Variants in PRR16 observed in about 807,000 individuals in gnomAD.
PRR16 encodes proline rich 16, also known as protein Largen.
PRR16 carries 6 observed loss-of-function variants against 18.2 expected under a neutral mutation model. The ratio of observed to expected loss-of-function variants is 0.33; its 90% CI spans 0.18 to 0.65. The LOEUF (loss-of-function observed/expected upper bound fraction) is 0.65, where lower values mean the gene tolerates loss of function less well. PRR16 is among the 30% of genes least tolerant of loss of function. The pLI is 0.74. For synonymous variants in PRR16, 151 were observed against 147.8 expected (o/e 1.02, Z -0.16); for missense variants, 412 against 376.6 (o/e 1.09, Z -0.78).
chr5:120,593,455 A>G (rs1753703102), intron 1 of PRR16, among the ~76,000 whole-genome samples: 1 of 152,048 alleles, frequency 6.6e-6, no homozygotes, highest in South Asian at 2.1e-4. Flanking sequence ...AACCAGGAGG[A>G]AATTGCTTCC....
At chr5:120,578,903 G>A (rs1165816709) in intron 1 of PRR16, among the ~76,000 whole-genome samples, 1 of 152,092 alleles carries the variant, frequency 6.6e-6, no homozygotes, top group Non-Finnish European at 1.5e-5. Flanking sequence ...ACCCTCGCCA[G>A]CATCTATTAT....
chr5:120,565,937 C>G (rs1443188609), intron 1 of PRR16, among the ~76,000 whole-genome samples: 1 of 152,134 alleles, frequency 6.6e-6, no homozygotes, highest in African/African-American at 2.4e-5. Flanking sequence ...TTTGATTTAG[C>G]TTAGTGTCAC....
At chr5:120,644,977 A>G (rs948793323) in intron 1 of PRR16, among the ~76,000 whole-genome samples, 1 of 152,232 alleles carries the variant, frequency 6.6e-6, no homozygotes, top group Non-Finnish European at 1.5e-5. Flanking sequence ...CCAATATCAA[A>G]TATTTATTCC....
At chr5:120,588,289 A>G (rs1468725736) in intron 1 of PRR16, among the ~76,000 whole-genome samples, 1 of 152,164 alleles carries the variant, frequency 6.6e-6, no homozygotes, top group African/African-American at 2.4e-5. Context: ...GTTTGAAAGG[A>G]TTGACTCCAA....
chr5:120,667,232 T>TTA (rs201133343), intron 1 of PRR16, among the ~76,000 whole-genome samples: 46,639 of 151,744 alleles, frequency 0.31, 7,570 homozygotes, highest in Middle Eastern at 0.43. Context: ...ATTTTCTAGT[T>TTA]TATTTGCGTA....
At chr5:120,745,440 AT>A in the PRR16 span, among the ~76,000 whole-genome samples, 1 of 152,002 alleles carries the variant, frequency 6.6e-6, no homozygotes, top group Non-Finnish European at 1.5e-5. Flanking sequence ...CCATCCATGG[AT>A]TTTTAGCAGA....
chr5:120,639,841 C>G (rs13355058), intron 1 of PRR16, among the ~76,000 whole-genome samples: 8,925 of 151,694 alleles, frequency 0.059, 320 homozygotes, highest in South Asian at 0.083. Context: ...CACACACTTG[C>G]ATGTTTAACA....
intron 1 of PRR16, among the ~76,000 whole-genome samples, chr5:120,545,834 A>G (rs1752058225): frequency 6.6e-6 from 1 of 152,076 alleles, no homozygotes; most frequent in African/African-American, 2.4e-5. Flanking sequence ...CCAAACTTAA[A>G]TTGAAGGAAT....
At chr5:120,661,011 T>A (rs1380236442) in intron 1 of PRR16, among the ~76,000 whole-genome samples, 4 of 152,136 alleles carry the variant, frequency 2.6e-5, no homozygotes, top group African/African-American at 9.7e-5. Context: ...CAGTTGTCTC[T>A]ATACTTGAAG....
chr5:120,674,473 G>A (rs551282633), intron 1 of PRR16, among the ~76,000 whole-genome samples: 1 of 152,128 alleles, frequency 6.6e-6, no homozygotes, highest in African/African-American at 2.4e-5. Flanking sequence ...TAAAATTGGG[G>A]TTGAAATAAT....
At chr5:120,779,389 A>C in the PRR16 span, among the ~76,000 whole-genome samples, 1 of 152,060 alleles carries the variant, frequency 6.6e-6, no homozygotes, top group Admixed American at 6.5e-5. Context: ...ACATTCTGAA[A>C]GCAGAGCTTT....
the PRR16 span, among the ~76,000 whole-genome samples, chr5:120,761,088 T>C: frequency 6.6e-6 from 1 of 150,432 alleles, no homozygotes; most frequent in Non-Finnish European, 1.5e-5. Context: ...CTTATACATA[T>C]AAAATTTATT....
chr5:120,621,437 C>T (rs1265045264), intron 1 of PRR16, among the ~76,000 whole-genome samples: 5 of 152,050 alleles, frequency 3.3e-5, no homozygotes, highest in Admixed American at 6.6e-5. Flanking sequence ...GAGCTAATCT[C>T]GTCTCAGTCT....
chr5:120,524,419 A>G lies in PRR16; in HGVS notation c.159+59774A>G, dbSNP rs866453959. ...ATTCAGTATGATTGAACGGATTTTG[A>G]TGTTTAGGAAATGCAGATACACATT... On this transcript the variant is annotated intron_variant, in intron 1 of 1. Coordinates refer to ENST00000407149, the MANE Select transcript of PRR16 (RefSeq NM_001300783.2). Among the ~76,000 whole-genome samples, 4 of 152,254 alleles carry G rather than the reference A, an allele frequency of 2.6e-5. No individual in the cohort carries two copies. The South Asian group carries it at 8.3e-4, about 32-fold the overall frequency.
At chr5:120,538,388 G>C (rs1322362518) in intron 1 of PRR16, among the ~76,000 whole-genome samples, 2 of 152,108 alleles carry the variant, frequency 1.3e-5, no homozygotes. Context: ...CAACCAAAAT[G>C]GAATCCACAC....
intron 1 of PRR16, among the ~76,000 whole-genome samples, chr5:120,538,180 T>C (rs1412568845): frequency 1.3e-5 from 2 of 152,240 alleles, no homozygotes; most frequent in Non-Finnish European, 2.9e-5. Context: ...TCATTTATGT[T>C]GAATACTTAA....
chr5:120,694,044 A>G, the PRR16 span, among the ~76,000 whole-genome samples: 24 of 152,200 alleles, frequency 1.6e-4, no homozygotes, highest in Admixed American at 1.4e-3. Flanking sequence ...CCTTTGAAGG[A>G]CACCACCTGC....
At chr5:120,727,006 C>A in the PRR16 span, among the ~76,000 whole-genome samples, 4 of 152,090 alleles carry the variant, frequency 2.6e-5, no homozygotes, top group African/African-American at 9.6e-5. Context: ...CCAGTGAAAT[C>A]CCCTTTCAGC....
chr5:120,562,547 C>G (rs1339008576), intron 1 of PRR16, among the ~76,000 whole-genome samples: 1 of 151,898 alleles, frequency 6.6e-6, no homozygotes, highest in East Asian at 1.9e-4. Context: ...TTGTAGTCTT[C>G]TCTTCCTTCT....
Sources: gnomAD v4.1 joint callset for allele counts (sites outside exome capture counted in the v4.1 genomes callset) on GRCh38, gnomAD v4.1.1 for gene constraint, MANE v1.5 for transcripts, NCBI Gene and HGNC (gene_info 2026-07-23, HGNC 2026-07-21) for gene names.